Variants in AGBL4 observed in about 807,000 individuals in gnomAD.
The protein encoded by AGBL4 is cytosolic carboxypeptidase 6.
A neutral mutation model predicts 66.4 loss-of-function variants in AGBL4; 58 were observed. That is an observed-to-expected ratio of 0.87 (90% confidence interval 0.71 to 1.09). AGBL4 has a LOEUF of 1.09. Among genes scored for constraint, AGBL4 ranks in the 50% least tolerant of loss-of-function variants. The pLI is 0.00. For synonymous variants in AGBL4, 234 were observed against 222.9 expected, an observed-to-expected ratio of 1.05 and a Z score of -0.44; for missense variants, 579 against 631.0, an observed-to-expected ratio of 0.92 and a Z score of 0.88.
intron 3 of AGBL4, among the ~76,000 whole-genome samples, chr1:49,538,776 C>A (rs1651795915): frequency 1.3e-5 from 2 of 152,102 alleles, no homozygotes; most frequent in Admixed American, 6.6e-5. Context: ...GGTAAAGATG[C>A]AAGATAGTCA....
intron 3 of AGBL4, among the ~76,000 whole-genome samples, chr1:49,541,555 T>C (rs1026649420): frequency 1.3e-5 from 2 of 152,162 alleles, no homozygotes; most frequent in African/African-American, 2.4e-5. Context: ...TCACTGGGCC[T>C]CAGCTGCCTC....
chr1:49,723,948 C>T (rs1381827528), intron 2 of AGBL4, among the ~76,000 whole-genome samples: 2 of 152,090 alleles, frequency 1.3e-5, no homozygotes, highest in East Asian at 1.9e-4. Flanking sequence ...ATCAGGATTC[C>T]AGGCCTAAGC....
chr1:49,804,139 T>C (rs772352761), intron 2 of AGBL4, among the ~76,000 whole-genome samples: 7 of 152,194 alleles, frequency 4.6e-5, no homozygotes, highest in Non-Finnish European at 7.3e-5. Flanking sequence ...CATAATTCTT[T>C]TATATTAAAG....
chr1:49,226,782 T>C (rs1019754574), intron 4 of AGBL4, among the ~76,000 whole-genome samples: 63 of 152,202 alleles, frequency 4.1e-4, no homozygotes, highest in African/African-American at 1.4e-3. Context: ...CTTTGAAATA[T>C]GTACATGTCC....
At chr1:49,314,221 G>T (rs921882102) in intron 3 of AGBL4, among the ~76,000 whole-genome samples, 1 of 152,016 alleles carries the variant, frequency 6.6e-6, no homozygotes, top group African/African-American at 2.4e-5. Context: ...TGTTCCATTG[G>T]TCTATGTATC....
chr1:49,905,636 C>T (rs531076893), intron 1 of AGBL4, among the ~76,000 whole-genome samples: 3 of 152,174 alleles, frequency 2.0e-5, no homozygotes, highest in East Asian at 1.9e-4. Flanking sequence ...CTTGGCTATT[C>T]GCTGTGATTA....
At position 48,999,465 on chromosome 1, in the gene AGBL4, A is replaced by G. The variant is rs17105386; in HGVS notation, c.594+46119T>C. 8.2e-3 allele frequency among the ~76,000 whole-genome samples: 1,242 copies of G among 152,332 alleles called. 11 individuals carry two copies. Among genetic ancestry groups the G allele is most frequent in the African/African-American group, 0.028 (1,151 of 41,574 alleles). ...CTCAGTAATTACATTATTCGTCAAG[A>G]GAACAGGACATTCACTTAATGAAGG... is the stretch of plus-strand genomic sequence containing the variant. On this transcript the variant is annotated intron_variant, in intron 5 of 13. Coordinates refer to ENST00000371839, the MANE Select transcript of AGBL4 (RefSeq NM_032785.4).
At chr1:49,923,998 A>G (rs1231708318) in intron 1 of AGBL4, among the ~76,000 whole-genome samples, 1 of 152,194 alleles carries the variant, frequency 6.6e-6, no homozygotes, top group Non-Finnish European at 1.5e-5. Context: ...AAATTGTTCT[A>G]TTATATAGAC....
At chr1:49,640,776 C>T (rs1296211767) in intron 3 of AGBL4, among the ~76,000 whole-genome samples, 3 of 152,084 alleles carry the variant, frequency 2.0e-5, no homozygotes, top group Non-Finnish European at 4.4e-5. Context: ...TACATGACTT[C>T]TTTTTTGAAA....
chr1:49,223,141 AT>A (rs1649630493), intron 4 of AGBL4, among the ~76,000 whole-genome samples: 1 of 152,218 alleles, frequency 6.6e-6, no homozygotes. Context: ...ATACAGAAAA[AT>A]AAATTTCAGT....
At chr1:48,630,635 C>T (rs935401646) in intron 9 of AGBL4, among the ~76,000 whole-genome samples, 2 of 152,168 alleles carry the variant, frequency 1.3e-5, no homozygotes, top group African/African-American at 4.8e-5. Context: ...GTCTCTAGTT[C>T]GGCACCGTCC....
intron 4 of AGBL4, among the ~76,000 whole-genome samples, chr1:49,242,700 T>C (rs1651330903): frequency 6.6e-6 from 1 of 151,908 alleles, no homozygotes; most frequent in South Asian, 2.1e-4. Flanking sequence ...AAGTCTAATA[T>C]GTAATTATTT....
chr1:49,048,949 A>G (rs1021703138), intron 4 of AGBL4, among the ~76,000 whole-genome samples: 12 of 152,024 alleles, frequency 7.9e-5, no homozygotes, highest in Admixed American at 3.3e-4. Context: ...TCCAACTTAC[A>G]GCCTTACCTT....
intron 3 of AGBL4, among the ~76,000 whole-genome samples, chr1:49,293,174 T>C (rs1644576075): frequency 6.6e-6 from 1 of 152,190 alleles, no homozygotes; most frequent in East Asian, 1.9e-4. Flanking sequence ...CAGAGAGCCA[T>C]CTGTGCTGGC....
intron 3 of AGBL4, among the ~76,000 whole-genome samples, chr1:49,351,754 A>G (rs1643912481): frequency 6.6e-6 from 1 of 152,000 alleles, no homozygotes; most frequent in South Asian, 2.1e-4. Flanking sequence ...GAATCAGTAA[A>G]TTTTCATGTC....
At chr1:48,600,325 G>GCA (rs1645055885) in intron 9 of AGBL4, among the ~76,000 whole-genome samples, 1 of 152,178 alleles carries the variant, frequency 6.6e-6, no homozygotes, top group African/African-American at 2.4e-5. Flanking sequence ...AGCTATGGGG[G>GCA]AGGATAATAA....
chr1:48,969,569 C>T (rs559943763), intron 5 of AGBL4, among the ~76,000 whole-genome samples: 1 of 152,020 alleles, frequency 6.6e-6, no homozygotes, highest in East Asian at 1.9e-4. Context: ...TAAAGTGTTC[C>T]ACTGTTAGTA....
chr1:49,774,001 C>T (rs1038595985), intron 2 of AGBL4, among the ~76,000 whole-genome samples: 1 of 152,116 alleles, frequency 6.6e-6, no homozygotes. Flanking sequence ...GGCACGTAAG[C>T]GGTAGAATGG....
chr1:48,885,300 T>A (rs139165113), intron 5 of AGBL4, among the ~76,000 whole-genome samples: 55 of 152,334 alleles, frequency 3.6e-4, no homozygotes, highest in African/African-American at 1.3e-3. Context: ...TCATATACCA[T>A]CTATGCCCAC....
Sources: allele counts gnomAD v4.1 joint callset (sites outside exome capture counted in the v4.1 genomes callset), GRCh38; gene constraint gnomAD v4.1.1; transcripts MANE v1.5; gene names NCBI Gene and HGNC (gene_info 2026-07-23, HGNC 2026-07-21).